The following SH3RF2 variants were observed in gnomAD, a reference collection of about 807,000 sequenced individuals.
SH3RF2 encodes the protein E3 ubiquitin-protein ligase SH3RF2.
SH3RF2 carries 43 observed loss-of-function variants against 59.0 expected under a neutral mutation model. The ratio of observed to expected loss-of-function variants is 0.73; its 90% CI spans 0.57 to 0.94. The LOEUF is 0.94. SH3RF2 is among the 40% of genes least tolerant of loss of function. The pLI is 0.00. For synonymous variants in SH3RF2, 391 were observed against 391.5 expected, an observed-to-expected ratio of 1.00 and a Z score of 0.01; for missense variants, 930 against 940.1, an observed-to-expected ratio of 0.99 and a Z score of 0.14.
intron 2 of SH3RF2, among the ~76,000 whole-genome samples, chr5:145,986,002 CAAAT>C (rs5871949): frequency 0.34 from 48,503 of 143,840 alleles, 8,338 homozygotes; most frequent in African/African-American, 0.4. Context: ...AGACTTGTCT[CAAAT>C]AAATAAATAA....
downstream of SH3RF2, among the ~76,000 whole-genome samples, chr5:146,064,852 G>GA (rs1157082376): frequency 1.5e-4 from 3 of 20,098 alleles, no homozygotes; most frequent in Non-Finnish European, 1.0e-3. Context: ...AAGAAAGAAA[G>GA]AAAGAAAGAA....
At chr5:146,064,799 G>GAAA (rs1561773747), downstream of SH3RF2, among the ~76,000 whole-genome samples, 32 of 28,052 alleles carry the variant, frequency 1.1e-3, no homozygotes, top group African/African-American at 3.6e-3. Flanking sequence ...AAGGAAGGAA[G>GAAA]GAAGGAAGGA....
chr5:145,967,174 C>T lies in SH3RF2; in HGVS notation c.378+28868C>T, dbSNP rs746564137. On this transcript the variant is annotated intron_variant, in intron 2 of 9. Coordinates refer to ENST00000359120, the MANE Select transcript of SH3RF2 (RefSeq NM_152550.4). ...CAGAAATCCTAGTATGAGTTGGAGG[C>T]TGTTTAAAGTTACCGTTTGGGCAAC... 2.0e-5 allele frequency among the ~76,000 whole-genome samples: 3 copies of T among 152,150 alleles called. No individual in the cohort carries two copies. In the East Asian group the frequency reaches 5.8e-4, roughly 29 times the overall value.
At chr5:146,054,598 G>T (rs192097664) in intron 7 of SH3RF2, among the ~76,000 whole-genome samples, 198 of 152,316 alleles carry the variant, frequency 1.3e-3, no homozygotes, top group Middle Eastern at 6.8e-3. Context: ...CCACCATGGG[G>T]ACCAGAGACA....
At chr5:146,044,627 T>C (rs531227281) in intron 5 of SH3RF2, among the ~76,000 whole-genome samples, 1 of 152,170 alleles carries the variant, frequency 6.6e-6, no homozygotes, top group Non-Finnish European at 1.5e-5. Flanking sequence ...TTCTCCAAAC[T>C]GTTTTTATCT....
At chr5:146,046,995 G>T (rs113267407) in intron 5 of SH3RF2, among the ~76,000 whole-genome samples, 1 of 152,042 alleles carries the variant, frequency 6.6e-6, no homozygotes, top group African/African-American at 2.4e-5. Flanking sequence ...TGGTTCAAGC[G>T]ATTCTCCCAG....
At chr5:145,965,904 G>A (rs927087130) in intron 2 of SH3RF2, among the ~76,000 whole-genome samples, 1 of 152,154 alleles carries the variant, frequency 6.6e-6, no homozygotes, top group African/African-American at 2.4e-5. Flanking sequence ...AAAATGAGAA[G>A]CATTTTATCA....
intron 5 of SH3RF2, among the ~76,000 whole-genome samples, chr5:146,021,291 T>C (rs1454529082): frequency 6.6e-6 from 1 of 152,226 alleles, no homozygotes; most frequent in Non-Finnish European, 1.5e-5. Context: ...CTTCTTGAGG[T>C]AATTTACAGA....
chr5:146,011,443 A>G lies in SH3RF2; in HGVS notation c.745-2304A>G, dbSNP rs1479438623. The stretch of plus-strand genomic sequence containing the variant: ...AAGTCATTGGTAGCTTGATGGGGAT[A>G]GCAATGAATCTATAAATTACCTTGG... On this transcript the variant is annotated intron_variant, in intron 4 of 9. Transcript: ENST00000359120. 9.8e-5 allele frequency among the ~76,000 whole-genome samples: 15 copies of G among 152,294 alleles called. 3 individuals are homozygous for G. Among genetic ancestry groups the G allele is most frequent in the African/African-American group, 3.6e-4 (15 of 41,572 alleles).
chr5:145,969,109 G>C (rs1758969584), intron 2 of SH3RF2, among the ~76,000 whole-genome samples: 1 of 152,092 alleles, frequency 6.6e-6, no homozygotes, highest in African/African-American at 2.4e-5. Context: ...TCATGGCCAA[G>C]GGTGTGCAAA....
chr5:145,997,771 GA>G, intron 2 of SH3RF2: 1 of 1,571,846 alleles, frequency 6.4e-7, no homozygotes, highest in Non-Finnish European at 8.7e-7. Flanking sequence ...AGCAAAAAAA[GA>G]GTCACTCCCT....
At chr5:146,036,525 T>C (rs548635546) in intron 5 of SH3RF2, among the ~76,000 whole-genome samples, 1 of 152,240 alleles carries the variant, frequency 6.6e-6, no homozygotes, top group African/African-American at 2.4e-5. Context: ...CAAATCCCCA[T>C]TTCTACTAAA....
exon 10 of SH3RF2, chr5:146,079,180 G>A (rs576521667): frequency 3.9e-5 from 6 of 152,060 alleles, no homozygotes; most frequent in African/African-American, 1.2e-4. Context: ...TTACAAAGAG[G>A]CTATTTCAAG....
At chr5:145,999,826 T>G (rs1249905253) in intron 2 of SH3RF2, among the ~76,000 whole-genome samples, 1 of 151,514 alleles carries the variant, frequency 6.6e-6, no homozygotes, top group Non-Finnish European at 1.5e-5. Flanking sequence ...ATATTTAAAG[T>G]TAATAACAGT....
chr5:146,000,173 G>A lies in SH3RF2; in HGVS notation c.494G>A (p.Gly165Glu). The change falls in exon 3 of 10, where the codon GGG becomes GAG. Residue 165 changes from glycine (G) to glutamate (E), a missense_variant. Coordinates refer to ENST00000359120, the MANE Select transcript of SH3RF2 (RefSeq NM_152550.4). ...RRQLDENWYQ[G>E]EINGISGNFP... Reference sequence around the variant, plus strand: ...CAGCTTGATGAGAATTGGTACCAGGGGGAAATCAATGGCATCAGCGGGAAC... The same window carrying A: ...CAGCTTGATGAGAATTGGTACCAGGAGGAAATCAATGGCATCAGCGGGAAC... 3 of 1,613,792 alleles carry A rather than the reference G, an allele frequency of 1.9e-6. No homozygotes were observed. Among genetic ancestry groups the A allele is most frequent in the Non-Finnish European group, 2.5e-6 (3 of 1,179,880 alleles).
intron 2 of SH3RF2, among the ~76,000 whole-genome samples, chr5:145,992,535 A>T (rs1759980123): frequency 1.3e-5 from 2 of 152,220 alleles, no homozygotes; most frequent in Admixed American, 1.3e-4. Context: ...GGCAATTTAC[A>T]AAAGAAAAAG....
chr5:145,950,516 G>A (rs562911195), intron 2 of SH3RF2, among the ~76,000 whole-genome samples: 1 of 152,262 alleles, frequency 6.6e-6, no homozygotes, highest in African/African-American at 2.4e-5. Context: ...ATAAAAATCA[G>A]TGTAGGTAAA....
At chr5:146,045,493 A>G (rs550594422) in intron 5 of SH3RF2, among the ~76,000 whole-genome samples, 15 of 152,280 alleles carry the variant, frequency 9.9e-5, no homozygotes, top group African/African-American at 3.6e-4. Context: ...ATTCCCCATC[A>G]TCCCAACCCT....
Position 146,000,324 on chromosome 5 carries a change from C to T in SH3RF2, c.645C>T (p.Leu215=), listed in dbSNP as rs767681921. ...AGAACCAGGATTGCCTGACCTTCCT[C>T]AAGGTAGGATTCTGGGTGGCCACCA... ...KSENQDCLTF[L]KDDIITVISR... is the part of the protein sequence containing the mutation. Residue 215 remains leucine, a synonymous_variant, in exon 3 of 10, where the codon CTC becomes CTT. Coordinates refer to ENST00000359120, the MANE Select transcript of SH3RF2 (RefSeq NM_152550.4). The T allele has an allele frequency of 6.2e-7, 1 of 1,612,782 alleles. No homozygotes were observed. Among genetic ancestry groups the T allele is most frequent in the Non-Finnish European group, 8.5e-7 (1 of 1,179,616 alleles).
Sources: gnomAD v4.1 joint callset for allele counts (sites outside exome capture counted in the v4.1 genomes callset) on GRCh38, gnomAD v4.1.1 for gene constraint, MANE v1.5 for transcripts, NCBI Gene and HGNC (gene_info 2026-07-23, HGNC 2026-07-21) for gene names.